Variants in RBMS3 observed in about 807,000 individuals in gnomAD.
The protein encoded by RBMS3 is RNA-binding motif, single-stranded-interacting protein 3.
Under a neutral mutation model 66.8 loss-of-function variants are expected in RBMS3, and 27 were observed. The ratio of observed to expected loss-of-function variants is 0.40; its 90% confidence interval spans 0.30 to 0.56. RBMS3 has a LOEUF of 0.56. Ranked by LOEUF, RBMS3 falls within the 20% of genes least tolerant of loss-of-function variation. The pLI, the probability that RBMS3 is intolerant of heterozygous loss-of-function variation, is 0.40. For synonymous variants in RBMS3, 188 were observed against 183.0 expected, an observed-to-expected ratio of 1.03 and a Z score of -0.22; for missense variants, 513 against 549.5, an observed-to-expected ratio of 0.93 and a Z score of 0.66.
chr3:29,360,097 T>A (rs1420074982), intron 1 of RBMS3, among the ~76,000 whole-genome samples: 11 of 152,194 alleles, frequency 7.2e-5, no homozygotes, highest in Admixed American at 7.2e-4. Context: ...AGCTTCTGAA[T>A]GTGTTTGCTC....
At chr3:29,808,139 T>C (rs899746157) in intron 6 of RBMS3, among the ~76,000 whole-genome samples, 3 of 151,888 alleles carry the variant, frequency 2.0e-5, no homozygotes, top group Admixed American at 6.6e-5. Flanking sequence ...TCACCATGCT[T>C]CAGGATCACA....
At chr3:29,295,326 TACACACAC>T (rs1336242611) in intron 1 of RBMS3, among the ~76,000 whole-genome samples, 1 of 141,786 alleles carries the variant, frequency 7.1e-6, no homozygotes, top group African/African-American at 2.6e-5. Flanking sequence ...CATATATATA[TACACACAC>T]ATATATATAT....
chr3:29,334,488 A>C (rs2035837195), intron 1 of RBMS3, among the ~76,000 whole-genome samples: 1 of 152,126 alleles, frequency 6.6e-6, no homozygotes, highest in East Asian at 1.9e-4. Flanking sequence ...TTCTGTTTTT[A>C]TATTAAGCTT....
chr3:29,936,136 C>T lies in RBMS3; in HGVS notation c.990C>T (p.Ala330=), dbSNP rs749697002. 1 of 1,613,364 alleles carries T rather than the reference C, an allele frequency of 6.2e-7. No individual in the cohort carries two copies. Among genetic ancestry groups the T allele is most frequent in the South Asian group, 1.1e-5 (1 of 91,018 alleles). ...TMDHPMSMQP[A]NMMGPLTQQM... ...ACCATCCCATGTCAATGCAGCCAGC[C>T]AACATGATGGGCCCACTGACACAGC... The change falls in exon 11 of 15, where the codon GCC becomes GCT. Residue 330 remains alanine, a synonymous_variant. Coordinates refer to ENST00000383767, the MANE Select transcript of RBMS3 (RefSeq NM_001003793.3).
chr3:29,288,853 T>C (rs1027881844), intron 1 of RBMS3, among the ~76,000 whole-genome samples: 17 of 152,080 alleles, frequency 1.1e-4, no homozygotes, highest in Admixed American at 2.0e-4. Flanking sequence ...AGCTATACTG[T>C]AGTATTGTAG....
At chr3:29,739,458 G>GAAAAAAAAAAAAAA (rs56861996) in intron 4 of RBMS3, among the ~76,000 whole-genome samples, 2 of 129,624 alleles carry the variant, frequency 1.5e-5, no homozygotes, top group Non-Finnish European at 3.2e-5. Context: ...TCCGTCTCAA[G>GAAAAAAAAAAAAAA]AAAAAAAAAA....
intron 3 of RBMS3, among the ~76,000 whole-genome samples, chr3:29,521,678 T>G (rs2044862864): frequency 6.6e-6 from 1 of 152,242 alleles, no homozygotes; most frequent in African/African-American, 2.4e-5. Context: ...CAGCCTGTTC[T>G]TACCTCTTTA....
chr3:29,730,956 G>T, intron 4 of RBMS3: 1 of 985,216 alleles, frequency 1.0e-6, no homozygotes, highest in South Asian at 4.7e-5. Context: ...GTATATGGAG[G>T]GAGAAATCAA....
intron 12 of RBMS3, among the ~76,000 whole-genome samples, chr3:29,970,859 A>G (rs941146833): frequency 1.3e-5 from 2 of 152,206 alleles, no homozygotes; most frequent in African/African-American, 4.8e-5. Flanking sequence ...GTTCGTTCCA[A>G]TAACTTCAAC....
chr3:29,878,982 AAGTTAC>A lies in RBMS3; in HGVS notation c.745-5176_745-5171del, dbSNP rs1169855341. ...AGGATTGCTAGAGCCCAGGAGTTTG[AAGTTAC>A]AGTGAGCTATACTGTACTCCAACCT... On this transcript the variant is annotated intron_variant, in intron 7 of 14. Coordinates refer to ENST00000383767, the MANE Select transcript of RBMS3 (RefSeq NM_001003793.3). Among the ~76,000 whole-genome samples the A allele has an allele frequency of 2.6e-5, 4 of 152,182 alleles. No homozygotes were observed. The East Asian group carries it at 7.7e-4, about 29-fold the overall frequency.
At position 30,007,412 on chromosome 3, in the gene RBMS3, T is replaced by C. The variant is rs1489557801; in HGVS notation, c.*3550T>C. ...ATTTGGATGTTTCCATTTTTCCTTT[T>C]GACTTTAATAGCCAAGACTTAGCTT... On this transcript the variant is annotated 3_prime_UTR_variant, in exon 15 of 15. Transcript: ENST00000383767. The C allele has an allele frequency of 6.6e-6, 1 of 152,088 alleles. No homozygotes were observed. Among genetic ancestry groups the C allele is most frequent in the Non-Finnish European group, 1.5e-5 (1 of 67,952 alleles). 9.4% of individuals were successfully genotyped at this position (152,088 alleles called of 1,614,324 possible).
intron 14 of RBMS3, chr3:29,991,745 A>ATTCC (rs1698889750): frequency 1.3e-5 from 2 of 152,702 alleles, no homozygotes; most frequent in Admixed American, 6.5e-5. Context: ...TGGAAAAATT[A>ATTCC]TAATATTCCT....
intron 1 of RBMS3, among the ~76,000 whole-genome samples, chr3:29,353,406 T>G (rs2037040110): frequency 6.6e-6 from 1 of 152,012 alleles, no homozygotes; most frequent in Admixed American, 6.6e-5. Flanking sequence ...TGTGCCATTT[T>G]GCGTTAAAGG....
At chr3:29,390,415 CCTGA>C (rs1197844588) in intron 1 of RBMS3, among the ~76,000 whole-genome samples, 113 of 151,780 alleles carry the variant, frequency 7.4e-4, no homozygotes, top group African/African-American at 2.7e-3. Context: ...CTGGGAAGGC[CCTGA>C]CTATCAATGC....
At chr3:29,524,741 G>A (rs2045022650) in intron 3 of RBMS3, among the ~76,000 whole-genome samples, 1 of 151,962 alleles carries the variant, frequency 6.6e-6, no homozygotes. Flanking sequence ...ATCACGACCA[G>A]CCTACATTCT....
chr3:29,637,693 G>A (rs565846989), intron 4 of RBMS3, among the ~76,000 whole-genome samples: 28 of 151,832 alleles, frequency 1.8e-4, no homozygotes, highest in Admixed American at 3.3e-4. Context: ...ACTAAGTTTA[G>A]TAATGTATTA....
At chr3:29,421,100 G>A (rs958729337) in intron 1 of RBMS3, among the ~76,000 whole-genome samples, 1 of 150,992 alleles carries the variant, frequency 6.6e-6, no homozygotes, top group Non-Finnish European at 1.5e-5. Context: ...GCAACAGAGC[G>A]AGAGTCTGTC....
chr3:29,924,359 T>A (rs1353814989), intron 10 of RBMS3, among the ~76,000 whole-genome samples: 2 of 152,232 alleles, frequency 1.3e-5, no homozygotes, highest in Admixed American at 6.5e-5. Context: ...AGGAAATGTT[T>A]TTAGAAGGGT....
intron 10 of RBMS3, among the ~76,000 whole-genome samples, chr3:29,918,901 C>A (rs972135539): frequency 6.6e-6 from 1 of 151,854 alleles, no homozygotes; most frequent in African/African-American, 2.4e-5. Context: ...TGAATAGTTT[C>A]TTCTAAAGTA....
Sources: allele counts gnomAD v4.1 joint callset (sites outside exome capture counted in the v4.1 genomes callset), GRCh38; gene constraint gnomAD v4.1.1; transcripts MANE v1.5; gene names NCBI Gene and HGNC (gene_info 2026-07-23, HGNC 2026-07-21).